CRYBG2: variants seen among roughly 807,000 people sequenced by gnomAD.
CRYBG2 encodes crystallin beta-gamma domain containing 2, also known as beta/gamma crystallin domain-containing protein 2.
CRYBG2 carries 106 observed loss-of-function variants against 153.4 expected under a neutral mutation model. The observed-to-expected ratio is 0.69, with a 90% CI of 0.59 to 0.81. CRYBG2 has a LOEUF of 0.81. Among genes scored for constraint, CRYBG2 ranks in the 30% least tolerant of loss-of-function variants. The probability of loss-of-function intolerance (pLI) is 0.00; values close to 1 mark genes in which losing one functional copy is unlikely to be tolerated. For missense variants in CRYBG2, 1,996 were observed against 2,112.0 expected, an observed-to-expected ratio of 0.95 and a Z score of 1.08; for synonymous variants, 851 against 877.8, an observed-to-expected ratio of 0.97 and a Z score of 0.54.
At position 26,338,432 on chromosome 1, in the gene CRYBG2, G is replaced by A. The variant is rs766738076; in HGVS notation, c.3390C>T (p.Ile1130=). 6.2e-7 allele frequency: 1 copy of A among 1,613,350 alleles called. No homozygotes were observed. The highest frequency in any genetic ancestry group is 1.7e-5 in the Admixed American group (1 of 59,880). ...AGGTGGGGTACTCTCCAGGTTCCAGGATGTAGGGAGTGTCTTCGAATAATG... is the reference window on the plus strand; with the variant it reads ...AGGTGGGGTACTCTCCAGGTTCCAGAATGTAGGGAGTGTCTTCGAATAATG... ...PKPLFEDTPY[I]LEPGEYPTSE... is the part of the protein sequence containing the mutation. The change falls in exon 7 of 20, where the codon ATC becomes ATT. Residue 1130 remains isoleucine (I), a synonymous_variant. Coordinates refer to ENST00000308182, the MANE Select transcript of CRYBG2 (RefSeq NM_001039775.4).
chr1:26,336,186 C>G lies in CRYBG2; in HGVS notation c.4093G>C (p.Asp1365His). The change falls in exon 14 of 20, where the codon GAC becomes CAC. Residue 1365 changes from aspartate to histidine, a missense_variant. Transcript: ENST00000308182. The surrounding 1 kb of genome is among the most constrained non-coding windows in gnomAD (Gnocchi z 4.9). ...VSKIQLFSRP[D>H]FLGDHFSFED... is the part of the protein sequence containing the mutation. ...AAAGAGAAGTGGTCGCCCAGAAAGTCGGGGCGGGAGAAAAGCTGAATCTGG... is the reference window on the plus strand; with the variant it reads ...AAAGAGAAGTGGTCGCCCAGAAAGTGGGGGCGGGAGAAAAGCTGAATCTGG... 1 of 1,550,158 alleles carries G rather than the reference C, an allele frequency of 6.5e-7. No homozygotes were observed. The highest frequency in any genetic ancestry group is 1.2e-5 in the South Asian group (1 of 83,546).
At position 26,346,362 on chromosome 1, in the gene CRYBG2, T is replaced by C; in HGVS notation, c.296A>G (p.Lys99Arg). 6.3e-7 allele frequency: 1 copy of C among 1,599,400 alleles called. No homozygotes were observed. The part of the protein sequence containing the change: ...NFQSHGPIFS[K>R]KYIPPPKEKR... ...CTCCTTGGGAGGTGGTATGTACTTC[T>C]TGGAAAAGATGGGTCCATGGCTCTG... The change falls in exon 2 of 20, where the codon AAG (lysine) becomes AGG (arginine). Residue 99 changes from lysine to arginine, a missense_variant. Transcript: ENST00000308182. This position sits in a 1 kb window ranked among gnomAD's most constrained non-coding sequence, Gnocchi z 4.9.
intron 17 of CRYBG2, 22 bp from the exon 18 acceptor site, chr1:26,324,332 GAGTC>G: frequency 6.3e-7 from 1 of 1,590,012 alleles, no homozygotes; most frequent in East Asian, 2.2e-5. Flanking sequence ...AAGAGGCTGA[GAGTC>G]AGGGGTGCCG....
chr1:26,336,015 G>A lies in CRYBG2; in HGVS notation c.4184+80C>T, dbSNP rs920709530. The A allele has an allele frequency of 4.2e-6, 5 of 1,190,230 alleles. No individual in the cohort carries two copies. Among genetic ancestry groups the A allele is most frequent in the Non-Finnish European group, 5.8e-6 (5 of 869,000 alleles). 73.7% of individuals were successfully genotyped at this position (1,190,230 alleles called of 1,614,324 possible). On this transcript the variant is annotated intron_variant, in intron 14 of 19. Transcript: ENST00000308182. This position sits in a 1 kb window ranked among gnomAD's most constrained non-coding sequence, Gnocchi z 4.9. ...TTCATCGCAAGGTAGCCAAAGGAAG[G>A]AAATCATTTGAAAGACTCTCCTCCT...
intron 1 of CRYBG2, among the ~76,000 whole-genome samples, chr1:26,348,935 G>A (rs1478137793): frequency 1.3e-5 from 2 of 151,848 alleles, no homozygotes; most frequent in Admixed American, 6.5e-5. Context: ...TTGGGAGGCC[G>A]AGGCAGGCCG....
chr1:26,344,796 C>T lies in CRYBG2; in HGVS notation c.1862G>A (p.Gly621Asp). 2.0e-6 allele frequency: 3 copies of T among 1,536,144 alleles called. No homozygotes were observed. The South Asian group carries it at 3.6e-5, about 18-fold the overall frequency. ...PTQKEVVQGS[G>D]APAALSPKST... Reference sequence around the variant, plus strand: ...CTTGGGGGACAAGGCAGCAGGAGCACCAGACCCCTGCACCACCTCCTTCTG... The same window carrying T: ...CTTGGGGGACAAGGCAGCAGGAGCATCAGACCCCTGCACCACCTCCTTCTG... The change falls in exon 2 of 20, where the codon GGT (glycine) becomes GAT (aspartate). Residue 621 changes from glycine (G) to aspartate (D), a missense_variant. Physicochemically the swap from Gly to Asp is moderately conservative, Grantham distance 94. Coordinates refer to ENST00000308182, the MANE Select transcript of CRYBG2 (RefSeq NM_001039775.4).
Position 26,342,840 on chromosome 1 carries a change from C to G in CRYBG2, c.3118G>C (p.Val1040Leu). The change falls in exon 5 of 20, where the codon GTC becomes CTC. Residue 1040 changes from valine (V) to leucine (L), a missense_variant. Val to Leu is a conservative substitution (Grantham distance 32). Transcript: ENST00000308182. ...AGTTCCATGTCTCCTTCAGGCAGGA[C>G]CAGCTTCTGACCCCGGAACTCTGGC... ...EEPEFRGQKL[V>L]LPEGDMELRT... is the part of the protein sequence containing the mutation. 6.2e-7 allele frequency: 1 copy of G among 1,614,178 alleles called. No individual in the cohort carries two copies. Among genetic ancestry groups the G allele is most frequent in the East Asian group, 2.2e-5 (1 of 44,882 alleles).
intron 18 of CRYBG2, among the ~76,000 whole-genome samples, chr1:26,322,910 C>G (rs1467750828): frequency 4.6e-5 from 7 of 152,148 alleles, no homozygotes. Context: ...CTCTAGCCAC[C>G]CAGCTAGCCT....
chr1:26,329,531 G>A (rs2073975016), intron 15 of CRYBG2, among the ~76,000 whole-genome samples: 1 of 149,862 alleles, frequency 6.7e-6, no homozygotes, highest in South Asian at 2.1e-4. Flanking sequence ...CCAGGCTGGA[G>A]TGCAGTGGTG....
rs774463728 is a variant in CRYBG2, at chr1:26,342,736, C to T, written c.3204+18G>A. 1 of 1,610,746 alleles carries T rather than the reference C, an allele frequency of 6.2e-7. No homozygotes were observed. The highest frequency in any genetic ancestry group is 8.5e-7 in the Non-Finnish European group (1 of 1,179,122). ...ACTCTAGGCACTCGAGGCCGTCTCCCACCTCCAACTCACTCACCCAGACAA... is the reference window on the plus strand; with the variant it reads ...ACTCTAGGCACTCGAGGCCGTCTCCTACCTCCAACTCACTCACCCAGACAA... On this transcript the variant is annotated intron_variant, in intron 5 of 19. Coordinates refer to ENST00000308182, the MANE Select transcript of CRYBG2 (RefSeq NM_001039775.4).
chr1:26,336,468 G>A lies in CRYBG2; in HGVS notation c.4039-98C>T, dbSNP rs1489793930. The A allele has an allele frequency of 6.4e-7, 1 of 1,552,286 alleles. No homozygotes were observed. The highest frequency in any genetic ancestry group is 1.4e-5 in the African/African-American group (1 of 72,908). On this transcript the variant is annotated intron_variant, in intron 12 of 19. Coordinates refer to ENST00000308182, the MANE Select transcript of CRYBG2 (RefSeq NM_001039775.4). The surrounding 1 kb of genome is among the most constrained non-coding windows in gnomAD (Gnocchi z 4.9). Reference sequence around the variant, plus strand: ...CCGTCCACCCCGCGGCCGCGCCCTCGGCCCCGCCCCCTTCTAAGGCCCCGC... The same window carrying A: ...CCGTCCACCCCGCGGCCGCGCCCTCAGCCCCGCCCCCTTCTAAGGCCCCGC...
chr1:26,329,973 G>A (rs2073979988), intron 15 of CRYBG2, among the ~76,000 whole-genome samples: 1 of 152,152 alleles, frequency 6.6e-6, no homozygotes, highest in South Asian at 2.1e-4. Context: ...CTGACCTCAT[G>A]ATCTGCCCGC....
rs1030191656 is a variant in CRYBG2, at chr1:26,336,032, T to C, written c.4184+63A>G. ...AAAGGAAGGAAATCATTTGAAAGAC[T>C]CTCCTCCTGCAGCCCCGCCTCTGCC... On this transcript the variant is annotated intron_variant, in intron 14 of 19. Transcript: ENST00000308182. The surrounding 1 kb of genome is among the most constrained non-coding windows in gnomAD (Gnocchi z 4.9). 4 of 1,294,666 alleles carry C rather than the reference T, an allele frequency of 3.1e-6. No homozygotes were observed. The African/African-American group carries it at 6.0e-5, about 20-fold the overall frequency. 80.2% of individuals were successfully genotyped at this position (1,294,666 alleles called of 1,614,324 possible).
Position 26,346,324 on chromosome 1 carries a change from C to T in CRYBG2, c.334G>A (p.Gly112Arg), listed in dbSNP as rs2074220556. The change falls in exon 2 of 20, where the codon GGG becomes AGG. Residue 112 changes from glycine (G) to arginine (R), a missense_variant. Coordinates refer to ENST00000308182, the MANE Select transcript of CRYBG2 (RefSeq NM_001039775.4). The surrounding 1 kb of genome is among the most constrained non-coding windows in gnomAD (Gnocchi z 4.9). Reference protein sequence around the residue: ...IPPPKEKRPEGRLKEAVDQSD... With the variant: ...IPPPKEKRPERRLKEAVDQSD... ...TGGTCCACAGCCTCCTTCAGCCTCC[C>T]CTCAGGCCTTTTCTCCTTGGGAGGT... The T allele has an allele frequency of 6.3e-7, 1 of 1,599,334 alleles. No individual in the cohort carries two copies. The highest frequency in any genetic ancestry group is 8.5e-7 in the Non-Finnish European group (1 of 1,179,780).
intron 15 of CRYBG2, among the ~76,000 whole-genome samples, chr1:26,330,791 G>A (rs145459372): frequency 2.6e-5 from 4 of 151,922 alleles, no homozygotes; most frequent in East Asian, 1.9e-4. Flanking sequence ...CACCCACCTC[G>A]GCCTCTCAAA....
intron 18 of CRYBG2, 90 bp downstream of exon 18, chr1:26,324,062 T>A (rs1384996372): frequency 1.1e-5 from 15 of 1,422,874 alleles, no homozygotes; most frequent in South Asian, 5.1e-5. Context: ...TGTGCATCCC[T>A]CTGTGTTCCT....
chr1:26,346,535 C>G lies in CRYBG2; in HGVS notation c.123G>C (p.Leu41=). The change falls in exon 2 of 20, where the codon CTG becomes CTC. Residue 41 remains leucine, a synonymous_variant. Coordinates refer to ENST00000308182, the MANE Select transcript of CRYBG2 (RefSeq NM_001039775.4). The surrounding 1 kb of genome is among the most constrained non-coding windows in gnomAD (Gnocchi z 4.9). ...GGGCTTCCATCTGGGCCCCTGACAC[C>G]AGGGACACCTTGTGAAAACCATGTT... ...EIKHGFHKVS[L]VSGAQMEAPQ... is the part of the protein sequence containing the mutation. 7 of 1,613,186 alleles carry G rather than the reference C, an allele frequency of 4.3e-6. No homozygotes were observed. The highest frequency in any genetic ancestry group is 2.2e-5 in the East Asian group (1 of 44,850).
chr1:26,347,298 T>TTG, intron 1 of CRYBG2, among the ~76,000 whole-genome samples: 1 of 138,730 alleles, frequency 7.2e-6, no homozygotes, highest in Non-Finnish European at 1.6e-5. Context: ...TTTTTTTTTT[T>TTG]TTTTTTTTTT....
In CRYBG2 at chr1:26,337,372, C is replaced by G. The variant is rs1298127759; in HGVS notation, c.3652G>C (p.Gly1218Arg). The G allele has an allele frequency of 6.2e-7, 1 of 1,613,506 alleles. No homozygotes were observed. The highest frequency in any genetic ancestry group is 1.3e-5 in the African/African-American group (1 of 74,998). Reference protein sequence around the residue: ...SLRVLGGCWVGYEKEGFRGHQ... With the variant: ...SLRVLGGCWVRYEKEGFRGHQ... ...CCCCGGAAGCCCTCCTTCTCGTAGC[C>G]CACCCAGCTGGGAAAAGCAGGAGGA... Residue 1218 changes from glycine (G) to arginine (R), a missense_variant, in exon 10 of 20, where the codon GGC becomes CGC. By Grantham distance (125) the Gly-to-Arg change is moderately radical. Coordinates refer to ENST00000308182, the MANE Select transcript of CRYBG2 (RefSeq NM_001039775.4).
Sources: gnomAD v4.1 joint callset for allele counts (sites outside exome capture counted in the v4.1 genomes callset) on GRCh38, gnomAD v4.1.1 for gene constraint, Gnocchi (gnomAD v3.1) non-coding constraint, MANE v1.5 for transcripts, NCBI Gene and HGNC (gene_info 2026-07-23, HGNC 2026-07-21) for gene names.